Variants in TBC1D5 observed in about 807,000 individuals in gnomAD.
The protein encoded by TBC1D5 is TBC1 domain family member 5, also known as TBC1 domain family, member 5.
A neutral mutation model predicts 100.3 loss-of-function variants in TBC1D5; 75 were observed. The ratio of observed to expected loss-of-function variants is 0.75; its 90% CI spans 0.62 to 0.91. The LOEUF is 0.91. Ranked by LOEUF, TBC1D5 falls within the 40% of genes least tolerant of loss-of-function variation. The probability of loss-of-function intolerance (pLI) is 0.00; values close to 1 mark genes in which losing one functional copy is unlikely to be tolerated. For missense variants in TBC1D5, 910 were observed against 942.4 expected, an observed-to-expected ratio of 0.97 and a Z score of 0.45; for synonymous variants, 323 against 325.6, an observed-to-expected ratio of 0.99 and a Z score of 0.09.
intron 18 of TBC1D5, among the ~76,000 whole-genome samples, 184 bp downstream of exon 19, chr3:17,214,023 T>G (rs1340254207): frequency 6.6e-6 from 1 of 150,812 alleles, no homozygotes; most frequent in African/African-American, 2.4e-5. Context: ...TCCAGTGTAA[T>G]ATAGGCTACA....
At chr3:17,191,318 G>A (rs2069862166) in intron 18 of TBC1D5, among the ~76,000 whole-genome samples, 1 of 152,230 alleles carries the variant, frequency 6.6e-6, no homozygotes, top group East Asian at 1.9e-4. Flanking sequence ...GCTTGTTGGA[G>A]GACTGGATTT....
chr3:17,587,361 C>G (rs2153553697), intron 2 of TBC1D5, among the ~76,000 whole-genome samples: 1 of 151,962 alleles, frequency 6.6e-6, no homozygotes, highest in Middle Eastern at 3.4e-3. Context: ...TGGCTTAGCA[C>G]ACATATAAAA....
Position 17,372,115 on chromosome 3 carries a change from G to T in TBC1D5, c.955C>A (p.His319Asn), listed in dbSNP as rs1455727672. 1 of 1,613,498 alleles carries T rather than the reference G, an allele frequency of 6.2e-7. No homozygotes were observed. Among genetic ancestry groups the T allele is most frequent in the Non-Finnish European group, 8.5e-7 (1 of 1,179,644 alleles). ...GGTGCAATTTCTAGTCTGTTCAAGT[G>T]CATGTAAAGCTCAATATCATGCTTC... The change falls in exon 13 of 22, where the codon CAC (histidine) becomes AAC (asparagine). Residue 319 changes from histidine to asparagine, a missense_variant. His to Asn is a moderately conservative substitution (Grantham distance 68, BLOSUM62 1). Transcript: ENST00000253692.
At chr3:17,741,307 G>C (rs2077410145), upstream of TBC1D5, among the ~76,000 whole-genome samples, 1 of 152,214 alleles carries the variant, frequency 6.6e-6, no homozygotes, top group Non-Finnish European at 1.5e-5. Context: ...AAATGCTCAA[G>C]TTTACAAATG....
intron 1 of TBC1D5, among the ~76,000 whole-genome samples, chr3:17,732,816 T>C (rs570704761): frequency 2.0e-5 from 3 of 152,308 alleles, no homozygotes; most frequent in African/African-American, 7.2e-5. Context: ...CTTTCATTAA[T>C]TCTTCCATAT....
At chr3:17,282,338 C>T (rs2080699402) in intron 15 of TBC1D5, among the ~76,000 whole-genome samples, 1 of 152,182 alleles carries the variant, frequency 6.6e-6, no homozygotes, top group African/African-American at 2.4e-5. Flanking sequence ...ATGCATAGGA[C>T]TGATAGCTTT....
In TBC1D5 at chr3:17,648,239, T is replaced by G. The variant is rs574363135; in HGVS notation, c.-100-24326A>C. 1.3e-4 allele frequency among the ~76,000 whole-genome samples: 20 copies of G among 152,056 alleles called. No homozygotes were observed. In the South Asian group the frequency reaches 3.9e-3, roughly 30 times the overall value. On this transcript the variant is annotated intron_variant, in intron 1 of 21. Transcript: ENST00000253692. ...AAAACAAGCAATGGGTAAAAGACTC[T>G]CTATTCAATAAATGGTGCTGGGATG...
Position 17,258,848 on chromosome 3 carries a change from T to C in TBC1D5, c.1246-257A>G, listed in dbSNP as rs534643951. Among the ~76,000 whole-genome samples, 35 of 152,296 alleles carry C rather than the reference T, an allele frequency of 2.3e-4. 1 individual carries two copies. Among genetic ancestry groups the C allele is most frequent in the Admixed American group, 2.0e-3 (30 of 15,290 alleles). The stretch of plus-strand genomic sequence containing the variant: ...TTCTGATGACTTCAAAATAAAATTT[T>C]CAAATATAACTTTCCTAAAATATGA... On this transcript the variant is annotated intron_variant, in intron 15 of 21. Transcript: ENST00000253692.
chr3:17,157,839 G>A (rs2065724836), exon 22 of TBC1D5: 1 of 152,282 alleles, frequency 6.6e-6, no homozygotes, highest in South Asian at 2.1e-4. Flanking sequence ...AGGCATTCCT[G>A]TTGAGAGCGG....
At chr3:17,523,037 G>C (rs145187110) in intron 2 of TBC1D5, among the ~76,000 whole-genome samples, 2 of 152,242 alleles carry the variant, frequency 1.3e-5, no homozygotes, top group Admixed American at 6.5e-5. Context: ...GAGTAGTGAT[G>C]ATTGCTAATA....
intron 17 of TBC1D5, among the ~76,000 whole-genome samples, chr3:17,232,137 T>C (rs2075475760): frequency 6.6e-6 from 1 of 152,174 alleles, no homozygotes; most frequent in African/African-American, 2.4e-5. Flanking sequence ...ACCTCCCTCT[T>C]TGAAGTTCTA....
chr3:17,202,377 T>C (rs573103155), intron 18 of TBC1D5, among the ~76,000 whole-genome samples: 39 of 152,290 alleles, frequency 2.6e-4, no homozygotes, highest in Non-Finnish European at 4.1e-4. Flanking sequence ...CTGGAACTTA[T>C]ACAACAGGGA....
At chr3:17,196,578 G>C (rs909733129) in intron 18 of TBC1D5, among the ~76,000 whole-genome samples, 2 of 152,218 alleles carry the variant, frequency 1.3e-5, no homozygotes, top group Non-Finnish European at 2.9e-5. Flanking sequence ...TTTATCCTAG[G>C]GAGAAGGGCT....
At position 17,618,312 on chromosome 3, in the gene TBC1D5, C is replaced by T. The variant is rs574152820; in HGVS notation, c.-36+5537G>A. On this transcript the variant is annotated intron_variant, in intron 2 of 21. Coordinates refer to ENST00000253692, the Ensembl canonical transcript of TBC1D5. The stretch of plus-strand genomic sequence containing the variant: ...GCACCCGCCTGTATGAGGTGTCTGT[C>T]GGCCCATACTGGGAGATGTCTCCCA... 1.3e-4 allele frequency among the ~76,000 whole-genome samples: 20 copies of T among 152,264 alleles called. 1 individual carries two copies. In the South Asian group the frequency reaches 3.9e-3, roughly 30 times the overall value.
chr3:17,585,206 C>A (rs1176727170), intron 2 of TBC1D5, among the ~76,000 whole-genome samples: 3 of 152,154 alleles, frequency 2.0e-5, no homozygotes, highest in Non-Finnish European at 2.9e-5. Flanking sequence ...TAAAAAGATA[C>A]AAATGTTAAA....
chr3:17,663,709 AT>A (rs1180215920), intron 1 of TBC1D5, among the ~76,000 whole-genome samples: 1 of 152,162 alleles, frequency 6.6e-6, no homozygotes, highest in Non-Finnish European at 1.5e-5. Flanking sequence ...TATGGAAATA[AT>A]GAGGGATATA....
rs574544507 is a variant in TBC1D5, at chr3:17,422,973, A to G, written c.167+5477T>C. 1.5e-3 allele frequency among the ~76,000 whole-genome samples: 231 copies of G among 152,298 alleles called. 2 individuals are homozygous for G. The highest frequency in any genetic ancestry group is 5.1e-3 in the African/African-American group (212 of 41,588). On this transcript the variant is annotated intron_variant, in intron 4 of 21. Coordinates refer to ENST00000253692, the Ensembl canonical transcript of TBC1D5. ...AATTCAAATTAATGTACTTTTTCTT[A>G]GGCAGGAAAAGACAACTTTTAGATT... is the stretch of plus-strand genomic sequence containing the variant.
intron 8 of TBC1D5, among the ~76,000 whole-genome samples, chr3:17,388,294 GA>G (rs1166199981): frequency 1.3e-5 from 2 of 151,868 alleles, no homozygotes; most frequent in African/African-American, 4.8e-5. Context: ...TTTCTATCTT[GA>G]AATAAACCAA....
At chr3:17,436,875 G>A (rs1325007076) in intron 3 of TBC1D5, among the ~76,000 whole-genome samples, 1 of 152,090 alleles carries the variant, frequency 6.6e-6, no homozygotes, top group African/African-American at 2.4e-5. Context: ...GCAACTAAAT[G>A]GGAAACAGGG....
Sources: gnomAD v4.1 joint callset for allele counts (sites outside exome capture counted in the v4.1 genomes callset) on GRCh38, gnomAD v4.1.1 for gene constraint, MANE v1.5 for transcripts, NCBI Gene and HGNC (gene_info 2026-07-23, HGNC 2026-07-21) for gene names.